The following CWF19L2 variants were observed in gnomAD, a reference collection of about 807,000 sequenced individuals.
CWF19L2 encodes the protein CWF19 like cell cycle control factor 2.
Under a neutral mutation model 111.7 loss-of-function variants are expected in CWF19L2, and 98 were observed. That is an observed-to-expected ratio of 0.88 (90% CI 0.75 to 1.04). The LOEUF is 1.04. CWF19L2 is among the 50% of genes least tolerant of loss of function. The pLI is 0.00. For synonymous variants in CWF19L2, 351 were observed against 342.9 expected (o/e 1.02, Z -0.26); for missense variants, 1,101 against 1,051.4 (o/e 1.05, Z -0.65).
chr11:107,417,303 A>T (rs932269782), intron 9 of CWF19L2, among the ~76,000 whole-genome samples: 10 of 152,220 alleles, frequency 6.6e-5, no homozygotes, highest in Non-Finnish European at 1.3e-4. Context: ...TTTAATATGC[A>T]TGTGACAATA....
intron 12 of CWF19L2, among the ~76,000 whole-genome samples, chr11:107,358,523 G>T (rs1860273256): frequency 6.6e-6 from 1 of 152,118 alleles, no homozygotes; most frequent in Admixed American, 6.5e-5. Flanking sequence ...GCCATAAAAA[G>T]AATGAAGTAC....
In CWF19L2 at chr11:107,392,836, A is replaced by G. The variant is rs752911659; in HGVS notation, c.1677T>C (p.Pro559=). The G allele has an allele frequency of 6.3e-7, 1 of 1,594,144 alleles. No individual in the cohort carries two copies. The highest frequency in any genetic ancestry group is 8.5e-7 in the Non-Finnish European group (1 of 1,173,588). The change falls in exon 11 of 18, where the codon CCT becomes CCC. Residue 559 remains proline (P), a synonymous_variant. Coordinates refer to ENST00000282251, the MANE Select transcript of CWF19L2 (RefSeq NM_152434.3). ...VRTDQSGRVW[P]VNTPGKSLES... Reference sequence around the variant, plus strand: ...CCAGAGATTTTCCGGGTGTGTTCACAGGCCATACTCTTCCAGACTGATCTG... The same window carrying G: ...CCAGAGATTTTCCGGGTGTGTTCACGGGCCATACTCTTCCAGACTGATCTG...
chr11:107,394,651 C>CT (rs1860896496), intron 10 of CWF19L2, among the ~76,000 whole-genome samples: 1 of 152,106 alleles, frequency 6.6e-6, no homozygotes, highest in South Asian at 2.1e-4. Flanking sequence ...TAAAAGAAAT[C>CT]TAACACCTGC....
intron 11 of CWF19L2, among the ~76,000 whole-genome samples, chr11:107,391,516 T>C (rs1417050987): frequency 1.3e-5 from 2 of 152,230 alleles, no homozygotes; most frequent in Non-Finnish European, 2.9e-5. Context: ...CAACTTCTAA[T>C]TATTAAACCC....
At chr11:107,368,892 G>A (rs1030942777) in intron 12 of CWF19L2, among the ~76,000 whole-genome samples, 7 of 137,230 alleles carry the variant, frequency 5.1e-5, no homozygotes, top group Admixed American at 3.6e-4. Context: ...AATGCCAGGT[G>A]CATTCAAAAT....
rs145828149 is a variant in CWF19L2 at position 107,402,873 on chromosome 11, G to GTATATATATATATATATA, written c.1618-9996_1618-9979dup. Among the ~76,000 whole-genome samples, 112 of 94,388 alleles carry GTATATATATATATATATA rather than the reference G, an allele frequency of 1.2e-3. 2 individuals carry two copies. The highest frequency in any genetic ancestry group is 1.4e-3 in the Non-Finnish European group (70 of 49,412). The allele number at this position is 94,388 out of a possible 152,430, so 61.9% of individuals were successfully genotyped here. ...CGAGTGGATAAACAAACTGTGGTGT[G>GTATATATATATATATATA]TATATATATATATATATATATATAT... On this transcript the variant is annotated intron_variant, in intron 10 of 17. Coordinates refer to ENST00000282251, the MANE Select transcript of CWF19L2 (RefSeq NM_152434.3).
chr11:107,381,240 G>A (rs1860681871), intron 12 of CWF19L2, among the ~76,000 whole-genome samples: 1 of 152,124 alleles, frequency 6.6e-6, no homozygotes, highest in African/African-American at 2.4e-5. Context: ...TAAATTTTAT[G>A]TTATGTATAT....
chr11:107,329,345 A>G (rs1191111273), intron 17 of CWF19L2, among the ~76,000 whole-genome samples: 2 of 152,152 alleles, frequency 1.3e-5, no homozygotes, highest in African/African-American at 4.8e-5. Flanking sequence ...CTGCCCAGAA[A>G]CTATCAGCGT....
At chr11:107,454,178 T>C (rs1861819938) in intron 3 of CWF19L2, among the ~76,000 whole-genome samples, 1 of 152,232 alleles carries the variant, frequency 6.6e-6, no homozygotes, top group Non-Finnish European at 1.5e-5. Context: ...TGTAGCCAGG[T>C]AATTGTTACA....
intron 13 of CWF19L2, among the ~76,000 whole-genome samples, chr11:107,350,856 C>T (rs899179007): frequency 1.3e-5 from 2 of 152,052 alleles, no homozygotes; most frequent in African/African-American, 4.8e-5. Context: ...GAAGGGTAGA[C>T]ACAAGAAGAA....
intron 10 of CWF19L2, among the ~76,000 whole-genome samples, chr11:107,402,000 A>G (rs534420595): frequency 6.6e-6 from 1 of 152,306 alleles, no homozygotes; most frequent in Admixed American, 6.5e-5. Flanking sequence ...CCTTTTCAAC[A>G]AATGGTGCTG....
intron 12 of CWF19L2, among the ~76,000 whole-genome samples, chr11:107,359,830 G>C (rs914136721): frequency 6.6e-6 from 1 of 152,082 alleles, no homozygotes; most frequent in Non-Finnish European, 1.5e-5. Flanking sequence ...ACTTGAAGTT[G>C]AGACTGCTAC....
At chr11:107,412,504 C>A (rs1321582266) in intron 10 of CWF19L2, among the ~76,000 whole-genome samples, 3 of 152,168 alleles carry the variant, frequency 2.0e-5, no homozygotes, top group Non-Finnish European at 2.9e-5. Context: ...CCATGCCCAG[C>A]TAATTTTTGT....
chr11:107,343,370 CTCT>C (rs1165739775), intron 14 of CWF19L2, among the ~76,000 whole-genome samples: 1 of 152,156 alleles, frequency 6.6e-6, no homozygotes, highest in East Asian at 1.9e-4. Flanking sequence ...TAATGCCCCT[CTCT>C]TCTTCGGTAA....
At chr11:107,426,838 A>C (rs2135406704) in intron 8 of CWF19L2, among the ~76,000 whole-genome samples, 1 of 151,888 alleles carries the variant, frequency 6.6e-6, no homozygotes, top group East Asian at 1.9e-4. Flanking sequence ...AATACACTAA[A>C]AAATTTGGAA....
chr11:107,356,916 T>C (rs1408809391), intron 12 of CWF19L2, among the ~76,000 whole-genome samples: 1 of 152,106 alleles, frequency 6.6e-6, no homozygotes, highest in Non-Finnish European at 1.5e-5. Context: ...CACATGCCTG[T>C]AATCCCAGCT....
At chr11:107,363,393 GA>G (rs201531196) in intron 12 of CWF19L2, among the ~76,000 whole-genome samples, 1 of 152,118 alleles carries the variant, frequency 6.6e-6, no homozygotes, top group African/African-American at 2.4e-5. Context: ...AAGTTGAAAT[GA>G]AGGAAAAATG....
At chr11:107,404,844 T>G (rs550406736) in intron 10 of CWF19L2, among the ~76,000 whole-genome samples, 2 of 152,336 alleles carry the variant, frequency 1.3e-5, no homozygotes, top group African/African-American at 4.8e-5. Context: ...TCTACTTTCC[T>G]CTTCTACTCA....
intron 3 of CWF19L2, among the ~76,000 whole-genome samples, chr11:107,454,137 C>T (rs1169577382): frequency 6.6e-6 from 1 of 152,216 alleles, no homozygotes; most frequent in Non-Finnish European, 1.5e-5. Context: ...CTGCTGATTG[C>T]AGAGCCCCAG....
Sources: allele counts gnomAD v4.1 joint callset (sites outside exome capture counted in the v4.1 genomes callset), GRCh38; gene constraint gnomAD v4.1.1; transcripts MANE v1.5; gene names NCBI Gene and HGNC (gene_info 2026-07-23, HGNC 2026-07-21).